KLF12: variants seen among roughly 807,000 people sequenced by gnomAD.
The protein encoded by KLF12 is Krueppel-like factor 12.
Under a neutral mutation model 37.8 loss-of-function variants are expected in KLF12, and 9 were observed. The ratio of observed to expected loss-of-function variants is 0.24; its 90% CI spans 0.14 to 0.42. The LOEUF is 0.42. Among genes scored for constraint, KLF12 ranks in the 10% least tolerant of loss-of-function variants. KLF12 has a pLI of 1.00. For missense variants in KLF12, 411 were observed against 516.0 expected, an observed-to-expected ratio of 0.80 and a Z score of 1.97; for synonymous variants, 208 against 202.1, an observed-to-expected ratio of 1.03 and a Z score of -0.25.
At chr13:74,133,964 T>C (rs1026469875), upstream of KLF12, among the ~76,000 whole-genome samples, 10 of 152,034 alleles carry the variant, frequency 6.6e-5, no homozygotes, top group African/African-American at 2.4e-4. Context: ...TACTTGCAAA[T>C]GACTTACCCG....
At chr13:73,753,157 G>C (rs145092413) in intron 6 of KLF12, among the ~76,000 whole-genome samples, 4 of 151,912 alleles carry the variant, frequency 2.6e-5, no homozygotes, top group African/African-American at 9.7e-5. Context: ...CGCGGTCCCC[G>C]TCCCACCCAG....
the KLF12 span, among the ~76,000 whole-genome samples, chr13:74,233,869 A>G: frequency 3.9e-5 from 6 of 152,336 alleles, no homozygotes; most frequent in Admixed American, 2.0e-4. Flanking sequence ...TTTGCTTTCT[A>G]TATACCAGAA....
At chr13:73,940,892 C>T (rs752764680) in intron 3 of KLF12, among the ~76,000 whole-genome samples, 5 of 152,156 alleles carry the variant, frequency 3.3e-5, no homozygotes, top group Non-Finnish European at 7.3e-5. Flanking sequence ...GTCCTGAATT[C>T]CTTGGAGGGG....
chr13:74,166,207 C>T, the KLF12 span, among the ~76,000 whole-genome samples: 1 of 151,502 alleles, frequency 6.6e-6, no homozygotes, highest in Non-Finnish European at 1.5e-5. Flanking sequence ...ATCCTGCCAC[C>T]TCAGCCCCCG....
chr13:74,117,200 C>T (rs1380894012), intron 1 of KLF12, among the ~76,000 whole-genome samples: 1 of 152,124 alleles, frequency 6.6e-6, no homozygotes, highest in Non-Finnish European at 1.5e-5. Flanking sequence ...TTCTAGATAT[C>T]ATTCTACAAT....
chr13:73,949,527 T>G (rs1189711744), intron 2 of KLF12, among the ~76,000 whole-genome samples: 2 of 152,248 alleles, frequency 1.3e-5, no homozygotes, highest in African/African-American at 4.8e-5. Context: ...ATTTAGCCAG[T>G]AACTTCATTT....
chr13:73,707,689 C>T (rs749067027), intron 7 of KLF12, among the ~76,000 whole-genome samples: 1 of 152,164 alleles, frequency 6.6e-6, no homozygotes, highest in Non-Finnish European at 1.5e-5. Context: ...AGCACTCACT[C>T]GTCTGAAGTT....
chr13:73,810,982 C>CTTTTTT (rs376490803), intron 5 of KLF12, among the ~76,000 whole-genome samples: 10 of 44,816 alleles, frequency 2.2e-4, no homozygotes, highest in Non-Finnish European at 2.8e-4. Context: ...ATTTTTCTTT[C>CTTTTTT]TTTTTTTTTT....
At chr13:73,945,017 C>A (rs1375857822) in intron 2 of KLF12, among the ~76,000 whole-genome samples, 4 of 152,060 alleles carry the variant, frequency 2.6e-5, no homozygotes, top group African/African-American at 9.7e-5. Flanking sequence ...TACTTAATTA[C>A]AGAATGTAAC....
the KLF12 span, among the ~76,000 whole-genome samples, chr13:74,298,178 T>C: frequency 6.6e-6 from 1 of 152,336 alleles, no homozygotes; most frequent in Non-Finnish European, 1.5e-5. Context: ...ACATACATAC[T>C]CTGTCACTAC....
At chr13:74,108,126 A>C (rs1014701585) in intron 1 of KLF12, among the ~76,000 whole-genome samples, 1 of 152,180 alleles carries the variant, frequency 6.6e-6, no homozygotes, top group Admixed American at 6.5e-5. Context: ...CACAATAGAG[A>C]TCATTAAAAG....
intron 3 of KLF12, among the ~76,000 whole-genome samples, chr13:73,917,650 T>C (rs1186828124): frequency 6.6e-6 from 1 of 152,218 alleles, no homozygotes; most frequent in Non-Finnish European, 1.5e-5. Flanking sequence ...GTTAACCTCA[T>C]AAGTTTGTCA....
chr13:74,013,723 T>C (rs1892610134), intron 1 of KLF12, among the ~76,000 whole-genome samples: 1 of 152,160 alleles, frequency 6.6e-6, no homozygotes, highest in East Asian at 1.9e-4. Flanking sequence ...GCATCTATTT[T>C]ACTTGTAGGG....
intron 6 of KLF12, among the ~76,000 whole-genome samples, chr13:73,715,935 A>G (rs973524738): frequency 2.6e-5 from 4 of 152,252 alleles, no homozygotes; most frequent in Admixed American, 1.3e-4. Context: ...GATACATTTA[A>G]TAAGTAACAA....
chr13:74,020,070 T>C (rs1288693242), intron 1 of KLF12, among the ~76,000 whole-genome samples: 1 of 152,250 alleles, frequency 6.6e-6, no homozygotes, highest in Non-Finnish European at 1.5e-5. Context: ...CATTCCTACA[T>C]GGAATTTGGT....
intron 1 of KLF12, among the ~76,000 whole-genome samples, chr13:74,128,217 G>A (rs1566226187): frequency 6.6e-6 from 1 of 152,162 alleles, no homozygotes; most frequent in Admixed American, 6.5e-5. Context: ...AGGTCACAGA[G>A]CAAATCTCTG....
At chr13:74,226,141 A>T in the KLF12 span, among the ~76,000 whole-genome samples, 6 of 152,122 alleles carry the variant, frequency 3.9e-5, no homozygotes, top group Non-Finnish European at 8.8e-5. Flanking sequence ...TGTGTAGAGG[A>T]TGGCCTCGAG....
At chr13:73,913,636 T>C (rs537302079) in intron 3 of KLF12, among the ~76,000 whole-genome samples, 1 of 152,312 alleles carries the variant, frequency 6.6e-6, no homozygotes, top group Non-Finnish European at 1.5e-5. Flanking sequence ...GGCTAATAAA[T>C]AAAATAAAGC....
At chr13:73,764,462 T>C (rs1309057606) in intron 6 of KLF12, among the ~76,000 whole-genome samples, 2 of 139,140 alleles carry the variant, frequency 1.4e-5, no homozygotes, top group East Asian at 4.0e-4. Flanking sequence ...AAGAAGATCT[T>C]AGTACTCCCC....
Sources: gnomAD v4.1 joint callset for allele counts (sites outside exome capture counted in the v4.1 genomes callset) on GRCh38, gnomAD v4.1.1 for gene constraint, MANE v1.5 for transcripts, NCBI Gene and HGNC (gene_info 2026-07-23, HGNC 2026-07-21) for gene names.